Variants in BICC1 observed in about 807,000 individuals in gnomAD.
BICC1 encodes the protein protein bicaudal C homolog 1.
A neutral mutation model predicts 111.0 loss-of-function variants in BICC1; 43 were observed. The observed-to-expected ratio is 0.39, with a 90% CI of 0.30 to 0.50. The LOEUF (loss-of-function observed/expected upper bound fraction) is 0.50. Among genes scored for constraint, BICC1 ranks in the 20% least tolerant of loss-of-function variants. The probability of loss-of-function intolerance (pLI) is 0.88; values close to 1 mark genes in which losing one functional copy is unlikely to be tolerated. For synonymous variants in BICC1, 467 were observed against 434.4 expected, an observed-to-expected ratio of 1.07 and a Z score of -0.93; for missense variants, 1,091 against 1,203.2, an observed-to-expected ratio of 0.91 and a Z score of 1.38.
At chr10:58,556,134 C>A (rs893332354) in intron 1 of BICC1, among the ~76,000 whole-genome samples, 1 of 151,818 alleles carries the variant, frequency 6.6e-6, no homozygotes, top group African/African-American at 2.4e-5. Flanking sequence ...AAAGTTATAC[C>A]TCCTAGGTTG....
intron 2 of BICC1, among the ~76,000 whole-genome samples, chr10:58,676,925 C>T (rs945096809): frequency 1.3e-5 from 2 of 152,166 alleles, no homozygotes; most frequent in Non-Finnish European, 2.9e-5. Flanking sequence ...CAGTGGACCT[C>T]CAGCAAACAC....
intron 2 of BICC1, among the ~76,000 whole-genome samples, chr10:58,681,421 G>A (rs1196559568): frequency 1.3e-5 from 2 of 152,098 alleles, no homozygotes; most frequent in Non-Finnish European, 1.5e-5. Context: ...ATCATCACTG[G>A]TCATTAAAGA....
At chr10:58,711,117 G>A (rs1840558801) in intron 3 of BICC1, among the ~76,000 whole-genome samples, 1 of 152,114 alleles carries the variant, frequency 6.6e-6, no homozygotes, top group African/African-American at 2.4e-5. Flanking sequence ...CAAAGTATTA[G>A]GATTACAGGC....
At chr10:58,664,015 G>A (rs964562586) in intron 2 of BICC1, among the ~76,000 whole-genome samples, 2 of 152,130 alleles carry the variant, frequency 1.3e-5, no homozygotes, top group African/African-American at 4.8e-5. Flanking sequence ...ATGAATGAAG[G>A]TGCTGTAAAA....
chr10:58,768,215 A>G (rs748604266), intron 3 of BICC1, among the ~76,000 whole-genome samples: 3 of 152,170 alleles, frequency 2.0e-5, no homozygotes, highest in Non-Finnish European at 4.4e-5. Context: ...CGTCACACAT[A>G]AAAGAAGACT....
intron 12 of BICC1, 53 bp from the exon 13 acceptor site, chr10:58,800,141 C>T: frequency 2.2e-6 from 3 of 1,394,612 alleles, no homozygotes; most frequent in South Asian, 2.7e-5. Context: ...CTTGATTTGA[C>T]TCTCTGTAAA....
intron 1 of BICC1, among the ~76,000 whole-genome samples, chr10:58,612,006 G>T (rs2132109399): frequency 6.6e-6 from 1 of 152,206 alleles, no homozygotes; most frequent in East Asian, 1.9e-4. Flanking sequence ...TTACAGGCAG[G>T]TGAATTTGAA....
chr10:58,664,631 G>A (rs1422279454), intron 2 of BICC1, among the ~76,000 whole-genome samples: 1 of 151,082 alleles, frequency 6.6e-6, no homozygotes, highest in Non-Finnish European at 1.5e-5. Context: ...ATATTTACAA[G>A]TCTGGGCCAT....
intron 2 of BICC1, among the ~76,000 whole-genome samples, chr10:58,662,974 A>G (rs1395449153): frequency 2.6e-5 from 4 of 152,086 alleles, no homozygotes; most frequent in East Asian, 3.8e-4. Flanking sequence ...TAGGCACTCA[A>G]TAATGTTTTG....
At chr10:58,545,663 C>A (rs1424125862) in intron 1 of BICC1, among the ~76,000 whole-genome samples, 3 of 152,138 alleles carry the variant, frequency 2.0e-5, no homozygotes, top group Non-Finnish European at 2.9e-5. Flanking sequence ...TCCATTGCCC[C>A]AACGTGTAAG....
intron 3 of BICC1, among the ~76,000 whole-genome samples, chr10:58,742,650 C>T (rs2132611042): frequency 6.6e-6 from 1 of 151,992 alleles, no homozygotes; most frequent in Non-Finnish European, 1.5e-5. Flanking sequence ...ATTGGCCAGT[C>T]TGGTCTTGAA....
At chr10:58,523,682 T>C (rs1021863692) in intron 1 of BICC1, among the ~76,000 whole-genome samples, 1 of 152,114 alleles carries the variant, frequency 6.6e-6, no homozygotes, top group Non-Finnish European at 1.5e-5. Flanking sequence ...CTATTCAACA[T>C]AGTGTTGGAA....
chr10:58,800,421 C>CT, intron 13 of BICC1, 95 bp downstream of exon 13: 1 of 1,197,664 alleles, frequency 8.3e-7, no homozygotes, highest in Non-Finnish European at 1.2e-6. Flanking sequence ...GTTGGTTTTG[C>CT]TAAACAGCTA....
chr10:58,578,098 G>A (rs1175932980), intron 1 of BICC1, among the ~76,000 whole-genome samples: 1 of 152,174 alleles, frequency 6.6e-6, no homozygotes, highest in Non-Finnish European at 1.5e-5. Context: ...TTATGGACCT[G>A]TAAAGTGTGT....
chr10:58,633,342 CT>C (rs1837856349), intron 2 of BICC1, among the ~76,000 whole-genome samples: 1 of 152,210 alleles, frequency 6.6e-6, no homozygotes, highest in Admixed American at 6.5e-5. Flanking sequence ...ATACAATTGT[CT>C]ACTCAAAGAG....
intron 3 of BICC1, among the ~76,000 whole-genome samples, chr10:58,737,344 C>T (rs960583205): frequency 2.0e-5 from 3 of 152,046 alleles, no homozygotes; most frequent in East Asian, 1.9e-4. Flanking sequence ...TGAGAACATG[C>T]GGTGTTTGGT....
rs921912314 is a variant in BICC1, at chr10:58,702,007, G to A, written c.238-67G>A. 7.4e-6 allele frequency: 9 copies of A among 1,221,808 alleles called. No homozygotes were observed. In the African/African-American group the frequency reaches 1.4e-4, roughly 19 times the overall value. The allele number at this position is 1,221,808 out of a possible 1,614,324, so 75.7% of individuals were successfully genotyped here. A position where few individuals can be genotyped will look rare whatever the true frequency, so the allele number is the denominator to read the frequency against. On this transcript the variant is annotated intron_variant, in intron 2 of 20. Transcript: ENST00000373886. ...AACTTGAAAATAAACTTTTTTGTGT[G>A]TGAAAAATCTTATCTGTAAATACAA... is the stretch of plus-strand genomic sequence containing the variant.
At chr10:58,629,736 G>A (rs1028800188) in intron 2 of BICC1, among the ~76,000 whole-genome samples, 12 of 152,062 alleles carry the variant, frequency 7.9e-5, no homozygotes, top group African/African-American at 2.7e-4. Context: ...CTCATGAATC[G>A]TTTCTAAATT....
intron 1 of BICC1, among the ~76,000 whole-genome samples, chr10:58,521,953 G>A (rs1028394050): frequency 6.6e-6 from 1 of 151,720 alleles, no homozygotes; most frequent in Non-Finnish European, 1.5e-5. Context: ...TTGCAAGGTG[G>A]TTAGAGGATG....
Sources: gnomAD v4.1 joint callset for allele counts (sites outside exome capture counted in the v4.1 genomes callset) on GRCh38, gnomAD v4.1.1 for gene constraint, MANE v1.5 for transcripts, NCBI Gene and HGNC (gene_info 2026-07-23, HGNC 2026-07-21) for gene names.